Variants in CARS2 observed in about 807,000 individuals in gnomAD.
CARS2 encodes probable cysteine--tRNA ligase, mitochondrial.
A neutral mutation model predicts 68.8 loss-of-function variants in CARS2; 52 were observed. The ratio of observed to expected loss-of-function variants is 0.76; its 90% CI spans 0.61 to 0.95. The LOEUF is 0.95. CARS2 is among the 40% of genes least tolerant of loss of function. The pLI is 0.00. For synonymous variants in CARS2, 314 were observed against 303.6 expected (o/e 1.03, Z -0.36); for missense variants, 780 against 754.2 (o/e 1.03, Z -0.40).
At chr13:110,712,509 G>A (rs1043193529) in intron 1 of CARS2, 3 of 299,736 alleles carry the variant, frequency 1.0e-5, no homozygotes, top group Admixed American at 9.3e-5. Flanking sequence ...ACGCCCAGGA[G>A]GGGCGGGCCC....
chr13:110,702,065 G>A (rs1038904517), intron 2 of CARS2, among the ~76,000 whole-genome samples: 2 of 152,016 alleles, frequency 1.3e-5, no homozygotes, highest in Admixed American at 6.5e-5. Context: ...ACTACACTGG[G>A]GTAATTCAGA....
chr13:110,667,573 A>G (rs2062684410), intron 7 of CARS2, 100 bp from the exon 8 acceptor site: 1 of 1,051,604 alleles, frequency 9.5e-7, no homozygotes, highest in South Asian at 1.8e-5. Context: ...AATTCAATGA[A>G]TAAATGGATC....
intron 13 of CARS2, chr13:110,642,791 G>A (rs1409221720): frequency 5.7e-6 from 4 of 704,988 alleles, no homozygotes; most frequent in Non-Finnish European, 1.0e-5. Context: ...GCTGGGGGCT[G>A]CATGCCGCCC....
intron 9 of CARS2, among the ~76,000 whole-genome samples, chr13:110,651,839 C>T (rs1030768929): frequency 6.6e-6 from 1 of 152,242 alleles, no homozygotes; most frequent in African/African-American, 2.4e-5. Flanking sequence ...CTGTGGGGCG[C>T]TCAGGGTTCA....
At chr13:110,679,619 GA>G (rs2063093767) in intron 6 of CARS2, among the ~76,000 whole-genome samples, 10 of 110,368 alleles carry the variant, frequency 9.1e-5, no homozygotes, top group Non-Finnish European at 1.7e-4. Flanking sequence ...GAGAGAGAGA[GA>G]GAGAGGGAGG....
At chr13:110,646,825 C>T in intron 11 of CARS2, 1 of 395,828 alleles carries the variant, frequency 2.5e-6, no homozygotes, top group East Asian at 3.9e-5. Flanking sequence ...ACCTCCTGTC[C>T]AGCACCCAGT....
Position 110,642,606 on chromosome 13 carries a change from C to T in CARS2, c.1417-85G>A, listed in dbSNP as rs538042133. The T allele has an allele frequency of 7.3e-5, 95 of 1,298,916 alleles. 1 individual carries two copies. Among genetic ancestry groups the T allele is most frequent in the South Asian group, 5.6e-4 (47 of 84,578 alleles). 80.5% of individuals were successfully genotyped at this position (1,298,916 alleles called of 1,614,324 possible). A position where few individuals can be genotyped will look rare whatever the true frequency, so the allele number is the denominator to read the frequency against. On this transcript the variant is annotated intron_variant, in intron 13 of 14. Coordinates refer to ENST00000257347, the MANE Select transcript of CARS2 (RefSeq NM_024537.4). ...CCCACCCCGTGGTTGGGCTCTGGGCCGACACCCACCCAGCCCTGGGCTTCC... is the reference window on the plus strand; with the variant it reads ...CCCACCCCGTGGTTGGGCTCTGGGCTGACACCCACCCAGCCCTGGGCTTCC...
At chr13:110,646,193 C>G in intron 11 of CARS2, 103 bp from the exon 12 acceptor site, 2 of 1,371,170 alleles carry the variant, frequency 1.5e-6, no homozygotes, top group Middle Eastern at 2.5e-4. Context: ...GGGCTCTAAT[C>G]TGGGGACTTT....
chr13:110,667,241 A>G (rs1462785538), intron 8 of CARS2, 99 bp downstream of exon 8: 1 of 1,089,270 alleles, frequency 9.2e-7, no homozygotes, highest in African/African-American at 1.6e-5. Context: ...TTGACCTATT[A>G]GCTGATCTAC....
chr13:110,680,249 G>A (rs1458163180), intron 6 of CARS2, among the ~76,000 whole-genome samples: 1 of 152,012 alleles, frequency 6.6e-6, no homozygotes, highest in African/African-American at 2.4e-5. Context: ...AAAATTAGCT[G>A]GGTGTGGTGG....
chr13:110,699,253 C>A (rs1410064219), intron 3 of CARS2, among the ~76,000 whole-genome samples: 1 of 152,194 alleles, frequency 6.6e-6, no homozygotes, highest in African/African-American at 2.4e-5. Flanking sequence ...CAGACTAAGA[C>A]AAACACCGTC....
chr13:110,642,359 C>T lies in CARS2; in HGVS notation c.1579G>A (p.Asp527Asn), dbSNP rs150780076. 105 of 1,554,180 alleles carry T rather than the reference C, an allele frequency of 6.8e-5. No homozygotes were observed. The highest frequency in any genetic ancestry group is 8.2e-5 in the Non-Finnish European group (94 of 1,148,676). ...GCAGTCAGGCCCCGGCGCAGGGTGT[C>T]GCATGCTTCCAGCAGGGGCTGCCTT... Reference protein sequence around the residue: ...LERQPLLEACDTLRRGLTAHG... With the variant: ...LERQPLLEACNTLRRGLTAHG... The change falls in exon 14 of 15, where the codon GAC becomes AAC. Residue 527 changes from aspartate to asparagine, a missense_variant. Coordinates refer to ENST00000257347, the MANE Select transcript of CARS2 (RefSeq NM_024537.4).
At chr13:110,667,774 A>G (rs1245752184) in intron 7 of CARS2, among the ~76,000 whole-genome samples, 2 of 152,106 alleles carry the variant, frequency 1.3e-5, no homozygotes, top group African/African-American at 4.8e-5. Flanking sequence ...TACTTTCAAT[A>G]GGTAGAGTTT....
chr13:110,658,974 TA>T (rs2062437674), intron 9 of CARS2, among the ~76,000 whole-genome samples: 1 of 152,018 alleles, frequency 6.6e-6, no homozygotes, highest in Non-Finnish European at 1.5e-5. Context: ...TAGATAATAT[TA>T]AGAAATTACT....
At chr13:110,651,507 A>G (rs921584622) in intron 9 of CARS2, among the ~76,000 whole-genome samples, 6 of 151,908 alleles carry the variant, frequency 3.9e-5, no homozygotes, top group African/African-American at 1.5e-4. Flanking sequence ...CCTGCCTGCA[A>G]CCCCCAGGAG....
rs749184874 is a variant in CARS2, at chr13:110,713,046, G to A, written n.399+91C>T. 7.1e-4 allele frequency: 1,042 copies of A among 1,467,922 alleles called. 8 individuals carry two copies. The highest frequency in any genetic ancestry group is 2.2e-3 in the Middle Eastern group (9 of 4,162). 90.9% of individuals were successfully genotyped at this position (1,467,922 alleles called of 1,614,324 possible). A position where few individuals can be genotyped will look rare whatever the true frequency, so the allele number is the denominator to read the frequency against. On this transcript the variant is annotated intron_variant and non_coding_transcript_variant, in intron 1 of 2. Transcript: ENST00000485188. Reference sequence around the variant, plus strand: ...GAGAGGGTGCCAGTGCGCATGCGCCGCCACTTCCGCCCGTGCCCGGCCCTC... The same window carrying A: ...GAGAGGGTGCCAGTGCGCATGCGCCACCACTTCCGCCCGTGCCCGGCCCTC...
At chr13:110,707,759 T>A (rs1371354499), upstream of CARS2, 6 of 152,204 alleles carry the variant, frequency 3.9e-5, no homozygotes. Flanking sequence ...TCTGGTTTTT[T>A]GTTGTTGTTT....
chr13:110,699,603 T>G (rs1309543575), intron 3 of CARS2, among the ~76,000 whole-genome samples: 2 of 152,204 alleles, frequency 1.3e-5, no homozygotes, highest in Non-Finnish European at 2.9e-5. Flanking sequence ...TAGACTGTCT[T>G]GTATGCTAAA....
upstream of CARS2, among the ~76,000 whole-genome samples, chr13:110,708,154 T>TTTGC (rs1159029012): frequency 7.1e-6 from 1 of 141,050 alleles, no homozygotes; most frequent in African/African-American, 3.2e-5. Flanking sequence ...TTGGGTTTTG[T>TTTGC]TTGTTTTGTT....
Sources: allele counts gnomAD v4.1 joint callset (sites outside exome capture counted in the v4.1 genomes callset), GRCh38; gene constraint gnomAD v4.1.1; transcripts MANE v1.5; gene names NCBI Gene and HGNC (gene_info 2026-07-23, HGNC 2026-07-21).